USP3: variants seen among roughly 807,000 people sequenced by gnomAD.
The protein encoded by USP3 is ubiquitin specific peptidase 3.
Under a neutral mutation model 72.3 loss-of-function variants are expected in USP3, and 20 were observed. That is an observed-to-expected ratio of 0.28 (90% CI 0.19 to 0.40). USP3 has a LOEUF of 0.40. USP3 is among the 10% of genes least tolerant of loss of function. The probability of loss-of-function intolerance (pLI) is 1.00; values close to 1 mark genes in which losing one functional copy is unlikely to be tolerated. For synonymous variants in USP3, 222 were observed against 225.3 expected (o/e 0.99, Z 0.13); for missense variants, 479 against 633.9 (o/e 0.76, Z 2.62).
rs1454032065 is a variant in USP3 at position 63,574,431 on chromosome 15, T to C, written c.1096+28T>C. Reference sequence around the variant, plus strand: ...AAAGATACTTGAATGTTCTAAAAATTTTTTTCTTTAAATAATTGAATAGAT... The same window carrying C: ...AAAGATACTTGAATGTTCTAAAAATCTTTTTCTTTAAATAATTGAATAGAT... On this transcript the variant is annotated intron_variant, in intron 11 of 14. Transcript: ENST00000380324. This position sits in a 1 kb window ranked among gnomAD's most constrained non-coding sequence, Gnocchi z 4.6. 6.4e-7 allele frequency: 1 copy of C among 1,563,552 alleles called. No individual in the cohort carries two copies. The highest frequency in any genetic ancestry group is 1.4e-5 in the African/African-American group (1 of 72,076).
At position 63,544,430 on chromosome 15, in the gene USP3, A is replaced by G; in HGVS notation, c.284+7274A>G. 2.4e-6 allele frequency: 1 copy of G among 424,792 alleles called. No homozygotes were observed. The highest frequency in any genetic ancestry group is 4.2e-5 in the Admixed American group (1 of 23,978). The allele number at this position is 424,792 out of a possible 1,614,324, so 26.3% of individuals were successfully genotyped here. A position where few individuals can be genotyped will look rare whatever the true frequency, so the allele number is the denominator to read the frequency against. ...AACCAAAACTAGTGAAAGGGGAAGT[A>G]GCTGGATTTCAATCCAAAGTTATTG... On this transcript the variant is annotated intron_variant, in intron 3 of 14. Coordinates refer to ENST00000380324, the MANE Select transcript of USP3 (RefSeq NM_006537.4). The surrounding 1 kb of genome is among the most constrained non-coding windows in gnomAD (Gnocchi z 4.2).
intron 4 of USP3, among the ~76,000 whole-genome samples, chr15:63,554,003 T>C (rs541979792): frequency 6.6e-6 from 1 of 152,218 alleles, no homozygotes; most frequent in Non-Finnish European, 1.5e-5. Context: ...TTTTATTTAA[T>C]ATTTGTCATA....
chr15:63,528,992 C>T lies in USP3; in HGVS notation c.92-3655C>T, dbSNP rs1417864173. 4.7e-6 allele frequency: 6 copies of T among 1,287,974 alleles called. No homozygotes were observed. Among genetic ancestry groups the T allele is most frequent in the Non-Finnish European group, 6.1e-6 (6 of 987,956 alleles). 79.8% of individuals were successfully genotyped at this position (1,287,974 alleles called of 1,614,324 possible). ...TTGGCTTCAGAATCCCTCATAATACCCTATCCTCTGTATCTTTCTAGCCTT... is the reference window on the plus strand; with the variant it reads ...TTGGCTTCAGAATCCCTCATAATACTCTATCCTCTGTATCTTTCTAGCCTT... On this transcript the variant is annotated intron_variant, in intron 1 of 14. Coordinates refer to ENST00000380324, the MANE Select transcript of USP3 (RefSeq NM_006537.4). The surrounding 1 kb of genome is among the most constrained non-coding windows in gnomAD (Gnocchi z 4.3).
chr15:63,553,935 C>T lies in USP3; in HGVS notation c.368+137C>T. Reference sequence around the variant, plus strand: ...ATGATTGAAATGTTAATAAAATAAACCTTGGCTTTGGATAGCTAAAACTTG... The same window carrying T: ...ATGATTGAAATGTTAATAAAATAAATCTTGGCTTTGGATAGCTAAAACTTG... On this transcript the variant is annotated intron_variant, in intron 4 of 14. Coordinates refer to ENST00000380324, the MANE Select transcript of USP3 (RefSeq NM_006537.4). This position sits in a 1 kb window ranked among gnomAD's most constrained non-coding sequence, Gnocchi z 4.2. 1 of 661,840 alleles carries T rather than the reference C, an allele frequency of 1.5e-6. No homozygotes were observed. Among genetic ancestry groups the T allele is most frequent in the Non-Finnish European group, 2.4e-6 (1 of 421,570 alleles). 41.0% of individuals were successfully genotyped at this position (661,840 alleles called of 1,614,324 possible).
chr15:63,567,341 ATT>A lies in USP3; in HGVS notation c.762-3070_762-3069del, dbSNP rs1276442905. ...AGGTGTGTACCACCATGCCTGGCTA[ATT>A]TTTTTTTTTTTTTTTTTTTTTGAGA... is the stretch of plus-strand genomic sequence containing the variant. On this transcript the variant is annotated intron_variant, in intron 8 of 14. Coordinates refer to ENST00000380324, the MANE Select transcript of USP3 (RefSeq NM_006537.4). Among the ~76,000 whole-genome samples, 652 of 119,510 alleles carry A rather than the reference ATT, an allele frequency of 5.5e-3. 4 individuals are homozygous for A. The highest frequency in any genetic ancestry group is 0.018 in the African/African-American group (570 of 31,888). The allele number at this position is 119,510 out of a possible 152,430, so 78.4% of individuals were successfully genotyped here.
At chr15:63,571,987 C>G (rs907303519) in intron 9 of USP3, among the ~76,000 whole-genome samples, 1 of 152,182 alleles carries the variant, frequency 6.6e-6, no homozygotes, top group Non-Finnish European at 1.5e-5. Context: ...CCTACCCCTA[C>G]TGAAGGTGAA....
chr15:63,563,210 A>G (rs932301161), intron 8 of USP3, among the ~76,000 whole-genome samples: 7 of 152,198 alleles, frequency 4.6e-5, no homozygotes, highest in African/African-American at 1.7e-4. Context: ...GACTATAGAA[A>G]TGTCTTTAAC....
intron 7 of USP3, among the ~76,000 whole-genome samples, 177 bp downstream of exon 7, chr15:63,560,147 T>C (rs1450442491): frequency 6.6e-6 from 1 of 152,186 alleles, no homozygotes; most frequent in Non-Finnish European, 1.5e-5. Context: ...CGGCCGGGTG[T>C]GGTGGCTCAC....
Position 63,529,065 on chromosome 15 carries a change from A to G in USP3, c.92-3582A>G. 7.8e-7 allele frequency: 1 copy of G among 1,288,658 alleles called. No homozygotes were observed. Among genetic ancestry groups the G allele is most frequent in the Non-Finnish European group, 1.0e-6 (1 of 988,390 alleles). 79.8% of individuals were successfully genotyped at this position (1,288,658 alleles called of 1,614,324 possible). On this transcript the variant is annotated intron_variant, in intron 1 of 14. Transcript: ENST00000380324. The surrounding 1 kb of genome is among the most constrained non-coding windows in gnomAD (Gnocchi z 4.2). ...GTATTATGCCCTCAGAGAGTACTGT[A>G]TGTTGCCCAGGCTGGCCTCGAACTC...
chr15:63,586,556 G>A (rs1208625806), intron 11 of USP3: 1 of 152,232 alleles, frequency 6.6e-6, no homozygotes. Flanking sequence ...GGGATTATTA[G>A]TGCCAGCCAG....
At chr15:63,516,219 A>G (rs971789433) in intron 1 of USP3, among the ~76,000 whole-genome samples, 5 of 152,164 alleles carry the variant, frequency 3.3e-5, no homozygotes, top group African/African-American at 1.2e-4. Context: ...TGTGAATATT[A>G]TTTTTTAACC....
Position 63,504,618 on chromosome 15 carries a change from C to T in USP3, c.-122C>T, listed in dbSNP as rs1340379802. The T allele has an allele frequency of 3.8e-6, 3 of 798,866 alleles. No individual in the cohort carries two copies. Among genetic ancestry groups the T allele is most frequent in the Non-Finnish European group, 5.5e-6 (3 of 541,084 alleles). 49.5% of individuals were successfully genotyped at this position (798,866 alleles called of 1,614,324 possible). A position where few individuals can be genotyped will look rare whatever the true frequency, so the allele number is the denominator to read the frequency against. Reference sequence around the variant, plus strand: ...CTTTCTTTGACGCAAGGGCTCGAGACGCAGCCGCCGTCGGCCGAGCGCCCG... The same window carrying T: ...CTTTCTTTGACGCAAGGGCTCGAGATGCAGCCGCCGTCGGCCGAGCGCCCG... On this transcript the variant is annotated 5_prime_UTR_variant, in exon 1 of 15. It adds an upstream start codon to the 5' untranslated region. Transcript: ENST00000380324.
chr15:63,590,968 C>T lies in USP3; in HGVS notation c.*142C>T, dbSNP rs1247346143. 2 of 1,045,960 alleles carry T rather than the reference C, an allele frequency of 1.9e-6. No homozygotes were observed. The highest frequency in any genetic ancestry group is 3.7e-5 in the Admixed American group (1 of 27,022). The allele number at this position is 1,045,960 out of a possible 1,614,324, so 64.8% of individuals were successfully genotyped here. ...TAGTTTTGTCAATGGTAGTGACTTA[C>T]TGAACATGGGCACCAACTAATTTTG... On this transcript the variant is annotated 3_prime_UTR_variant, in exon 15 of 15. Transcript: ENST00000380324.
chr15:63,584,782 A>T (rs148966832), intron 11 of USP3, among the ~76,000 whole-genome samples: 3 of 151,994 alleles, frequency 2.0e-5, no homozygotes, highest in Non-Finnish European at 4.4e-5. Context: ...CAGCTTATCT[A>T]TTTTTTCTTT....
At chr15:63,583,440 G>A (rs1189512154) in intron 11 of USP3, among the ~76,000 whole-genome samples, 1 of 152,138 alleles carries the variant, frequency 6.6e-6, no homozygotes, top group Non-Finnish European at 1.5e-5. Context: ...GCATGACAGA[G>A]GAAGAAGACC....
intron 3 of USP3, among the ~76,000 whole-genome samples, chr15:63,546,992 C>T (rs192042527): frequency 6.6e-6 from 1 of 152,148 alleles, no homozygotes; most frequent in Non-Finnish European, 1.5e-5. Context: ...TAAAGCAACC[C>T]GGTAACATTT....
At chr15:63,569,742 C>T (rs913439992) in intron 8 of USP3, among the ~76,000 whole-genome samples, 7 of 152,120 alleles carry the variant, frequency 4.6e-5, no homozygotes, top group South Asian at 2.1e-4. Context: ...TCTATATATT[C>T]GTATAAGAAT....
chr15:63,522,704 G>C (rs1463282215), intron 1 of USP3, among the ~76,000 whole-genome samples: 1 of 152,172 alleles, frequency 6.6e-6, no homozygotes, highest in Admixed American at 6.5e-5. Flanking sequence ...GTATTTCTAA[G>C]TGACTTGGCT....
At position 63,588,392 on chromosome 15, in the gene USP3, C is replaced by CA. The variant is rs2067118148; in HGVS notation, c.1190dup (p.Phe398ValfsTer26). The CA allele has an allele frequency of 6.2e-7, 1 of 1,604,500 alleles. No homozygotes were observed. The highest frequency in any genetic ancestry group is 8.5e-7 in the Non-Finnish European group (1 of 1,177,674). ...AAATGCAAAAAGAAACAAAAGTCCA[C>CA]AAAAAAGTTTTGGATTCAAAAACTA... On this transcript the variant is annotated frameshift_variant, in exon 12 of 15. Transcript: ENST00000380324. LOFTEE classifies it high-confidence loss of function. This position sits in a 1 kb window ranked among gnomAD's most constrained non-coding sequence, Gnocchi z 4.6.
Sources: allele counts gnomAD v4.1 joint callset (sites outside exome capture counted in the v4.1 genomes callset), GRCh38; gene constraint gnomAD v4.1.1; non-coding constraint Gnocchi (gnomAD v3.1); transcripts MANE v1.5; gene names NCBI Gene and HGNC (gene_info 2026-07-23, HGNC 2026-07-21).